Variants in SLC41A3 observed in about 807,000 individuals in gnomAD.
The protein encoded by SLC41A3 is solute carrier family 41 member 3, also known as SLC41A1-like 2.
In SLC41A3, 44 loss-of-function variants were observed where a neutral mutation model predicts 45.4. That is an observed-to-expected ratio of 0.97 (90% CI 0.76 to 1.25). The LOEUF is 1.25. SLC41A3 is among the 50% of genes most tolerant of loss of function. SLC41A3 has a pLI of 0.00. For synonymous variants in SLC41A3, 256 were observed against 252.4 expected (o/e 1.01, Z -0.13); for missense variants, 550 against 600.6 (o/e 0.92, Z 0.88).
At chr3:126,077,048 C>T (rs1474239025) in intron 1 of SLC41A3, among the ~76,000 whole-genome samples, 1 of 152,128 alleles carries the variant, frequency 6.6e-6, no homozygotes, top group Non-Finnish European at 1.5e-5. Flanking sequence ...ACAAAAGTGA[C>T]ATGTGTTAAT....
chr3:126,041,985 A>G (rs569814577), intron 3 of SLC41A3, among the ~76,000 whole-genome samples: 1 of 152,278 alleles, frequency 6.6e-6, no homozygotes, highest in South Asian at 2.1e-4. Flanking sequence ...AGCATGGTGC[A>G]GTTGGGAGGA....
upstream of SLC41A3, among the ~76,000 whole-genome samples, chr3:126,087,201 G>A (rs1945410854): frequency 6.6e-6 from 1 of 152,040 alleles, no homozygotes; most frequent in Non-Finnish European, 1.5e-5. Context: ...TTGGTTTAAT[G>A]AAAACAGCTA....
chr3:126,085,978 C>T (rs1267704468), upstream of SLC41A3, among the ~76,000 whole-genome samples: 1 of 152,100 alleles, frequency 6.6e-6, no homozygotes, highest in African/African-American at 2.4e-5. Flanking sequence ...GAGAGAGAAA[C>T]TGAGACATGT....
At chr3:126,060,070 T>TA (rs1943973572) in intron 2 of SLC41A3, among the ~76,000 whole-genome samples, 1 of 152,086 alleles carries the variant, frequency 6.6e-6, no homozygotes, top group Non-Finnish European at 1.5e-5. Context: ...TAGAAAGAGG[T>TA]GTCTGACCAA....
chr3:126,088,266 T>C (rs1243482339), upstream of SLC41A3, among the ~76,000 whole-genome samples: 1 of 152,154 alleles, frequency 6.6e-6, no homozygotes, highest in East Asian at 1.9e-4. Flanking sequence ...GAAAGAGCTC[T>C]AACCTAGTAA....
At chr3:126,014,269 A>G (rs1274061821) in intron 8 of SLC41A3, among the ~76,000 whole-genome samples, 1 of 152,084 alleles carries the variant, frequency 6.6e-6, no homozygotes, top group Non-Finnish European at 1.5e-5. Flanking sequence ...TAAAAAGAAA[A>G]AGGAAAAAAA....
chr3:126,059,303 A>G (rs145080737), intron 2 of SLC41A3, among the ~76,000 whole-genome samples: 104 of 114,740 alleles, frequency 9.1e-4, no homozygotes, highest in Admixed American at 1.3e-3. Flanking sequence ...AGAAAGAAAG[A>G]AAGAAAGGAA....
chr3:126,023,064 T>G, intron 5 of SLC41A3, 132 bp from the exon 6 acceptor site: 1 of 1,246,454 alleles, frequency 8.0e-7, no homozygotes, highest in Non-Finnish European at 1.1e-6. Context: ...GCTCATTAAC[T>G]TGCCTCCCTC....
intron 2 of SLC41A3, among the ~76,000 whole-genome samples, chr3:126,064,768 A>G (rs911218707): frequency 1.3e-5 from 2 of 152,156 alleles, no homozygotes; most frequent in Non-Finnish European, 2.9e-5. Context: ...GCACATGCAC[A>G]CAATGCTCAT....
chr3:126,016,529 C>A (rs964362039), intron 7 of SLC41A3, among the ~76,000 whole-genome samples: 4 of 152,216 alleles, frequency 2.6e-5, no homozygotes, highest in Non-Finnish European at 5.9e-5. Flanking sequence ...TCTCTTAGAA[C>A]CAACAAGGCC....
At chr3:126,059,263 G>GAAAGAAAGAAAGAAAGAAAGA (rs5852464) in intron 2 of SLC41A3, among the ~76,000 whole-genome samples, 1 of 11,744 alleles carries the variant, frequency 8.5e-5, no homozygotes, top group African/African-American at 4.0e-4. Flanking sequence ...AAGAAAGAAA[G>GAAAGAAAGAAAGAAAGAAAGA]AAGAAAGAAA....
intron 1 of SLC41A3, among the ~76,000 whole-genome samples, chr3:126,096,984 G>C (rs191680047): frequency 3.3e-5 from 5 of 152,220 alleles, no homozygotes; most frequent in African/African-American, 1.2e-4. Flanking sequence ...TCCAGAAAAG[G>C]AATGGAAGTT....
At chr3:126,022,308 A>C (rs1940955602) in intron 6 of SLC41A3, among the ~76,000 whole-genome samples, 1 of 152,250 alleles carries the variant, frequency 6.6e-6, no homozygotes, top group African/African-American at 2.4e-5. Flanking sequence ...CCTACTTCTC[A>C]GTATCAATTT....
At chr3:126,014,485 A>T (rs945536131) in intron 8 of SLC41A3, among the ~76,000 whole-genome samples, 7 of 151,774 alleles carry the variant, frequency 4.6e-5, no homozygotes, top group African/African-American at 1.5e-4. Context: ...TGCATAATTC[A>T]TGCAGATTGT....
intron 1 of SLC41A3, among the ~76,000 whole-genome samples, chr3:126,091,603 C>G (rs1319559426): frequency 6.6e-6 from 1 of 152,076 alleles, no homozygotes; most frequent in Non-Finnish European, 1.5e-5. Flanking sequence ...CTCCAGGTAG[C>G]AGGCTTCAGA....
chr3:126,015,636 C>T lies in SLC41A3; in HGVS notation c.891-63G>A. The stretch of plus-strand genomic sequence containing the variant: ...TTACACTTACAGTGGCCCTGCAACT[C>T]TCCACACAAATCACCCTTTCAGCCC... On this transcript the variant is annotated intron_variant, in intron 7 of 10. Coordinates refer to ENST00000360370, the MANE Select transcript of SLC41A3 (RefSeq NM_017836.4). 5 of 1,501,614 alleles carry T rather than the reference C, an allele frequency of 3.3e-6. No homozygotes were observed. In the South Asian group the frequency reaches 5.7e-5, roughly 17 times the overall value. 93.0% of individuals were successfully genotyped at this position (1,501,614 alleles called of 1,614,324 possible). A position where few individuals can be genotyped will look rare whatever the true frequency, so the allele number is the denominator to read the frequency against.
chr3:126,055,332 G>A (rs1207310862), intron 2 of SLC41A3, among the ~76,000 whole-genome samples: 2 of 152,098 alleles, frequency 1.3e-5, no homozygotes, highest in Admixed American at 6.6e-5. Context: ...GGCCAACATG[G>A]TGAAACCCCG....
intron 3 of SLC41A3, among the ~76,000 whole-genome samples, chr3:126,046,356 T>TACAC (rs66615933): frequency 0.34 from 50,989 of 150,450 alleles, 8,649 homozygotes; most frequent in Non-Finnish European, 0.37. Context: ...CTCTAAAGAT[T>TACAC]ACACACACAC....
chr3:126,045,667 T>C (rs553376984), intron 3 of SLC41A3, among the ~76,000 whole-genome samples: 1 of 152,250 alleles, frequency 6.6e-6, no homozygotes, highest in East Asian at 1.9e-4. Flanking sequence ...AAGCCTTCAC[T>C]AGTGAATTCT....
Sources: gnomAD v4.1 joint callset for allele counts (sites outside exome capture counted in the v4.1 genomes callset) on GRCh38, gnomAD v4.1.1 for gene constraint, MANE v1.5 for transcripts, NCBI Gene and HGNC (gene_info 2026-07-23, HGNC 2026-07-21) for gene names.